The following PDE1C variants were observed in gnomAD, a reference collection of about 807,000 sequenced individuals.
PDE1C encodes dual specificity calcium/calmodulin-dependent 3',5'-cyclic nucleotide phosphodiesterase 1C.
A neutral mutation model predicts 93.1 loss-of-function variants in PDE1C; 62 were observed. The ratio of observed to expected loss-of-function variants is 0.67; its 90% CI spans 0.54 to 0.82. The LOEUF is 0.82. Ranked by LOEUF, PDE1C falls within the 40% of genes least tolerant of loss-of-function variation. The pLI is 0.00. For synonymous variants in PDE1C, 325 were observed against 310.1 expected, an observed-to-expected ratio of 1.05 and a Z score of -0.50; for missense variants, 742 against 884.6, an observed-to-expected ratio of 0.84 and a Z score of 2.04.
upstream of PDE1C, chr7:32,071,450 C>A: frequency 1.0e-6 from 1 of 983,784 alleles, no homozygotes; most frequent in South Asian, 4.7e-5. Context: ...GGGGCTCTCT[C>A]GCTCGCGCTC....
chr7:31,822,935 C>A, intron 14 of PDE1C, 138 bp downstream of exon 14: 2 of 700,910 alleles, frequency 2.9e-6, no homozygotes, highest in South Asian at 2.2e-5. Context: ...TTATGAAGAT[C>A]AAAAGATGGT....
At chr7:32,261,292 C>G (rs938651293) in intron 1 of PDE1C, among the ~76,000 whole-genome samples, 2 of 152,094 alleles carry the variant, frequency 1.3e-5, no homozygotes, top group Non-Finnish European at 2.9e-5. Flanking sequence ...GACCAGTAAT[C>G]TAGCCAAACC....
chr7:32,057,255 T>C (rs1017826166), intron 1 of PDE1C, among the ~76,000 whole-genome samples: 1 of 152,236 alleles, frequency 6.6e-6, no homozygotes, highest in Non-Finnish European at 1.5e-5. Context: ...TCTCATGTGC[T>C]ATGGCTAGAA....
upstream of PDE1C, among the ~76,000 whole-genome samples, chr7:32,074,658 T>A (rs1796252714): frequency 6.6e-6 from 1 of 152,162 alleles, no homozygotes; most frequent in Admixed American, 6.5e-5. Flanking sequence ...GAGGGGATCA[T>A]TCATGCTGTG....
the PDE1C span, among the ~76,000 whole-genome samples, chr7:31,718,874 G>A: frequency 6.6e-6 from 1 of 152,290 alleles, no homozygotes; most frequent in African/African-American, 2.4e-5. Context: ...TCGGGGGGAA[G>A]TGTCTGAAAC....
chr7:31,849,951 A>AAC (rs1793122159), intron 8 of PDE1C, among the ~76,000 whole-genome samples: 1 of 152,158 alleles, frequency 6.6e-6, no homozygotes, highest in Non-Finnish European at 1.5e-5. Context: ...CCCACAGTTT[A>AAC]GTAAGAAAAA....
At position 31,974,965 on chromosome 7, in the gene PDE1C, G is replaced by A. The variant is rs572377220; in HGVS notation, c.128+76589C>T. ...CCCCATTGCCTTCTGAACAAAGGCC[G>A]AGTTCATGAAAACATACAAAATCCT... On this transcript the variant is annotated intron_variant, in intron 2 of 17. Transcript: ENST00000396191. Among the ~76,000 whole-genome samples, 77 of 152,252 alleles carry A rather than the reference G, an allele frequency of 5.1e-4. 1 individual carries two copies. Among genetic ancestry groups the A allele is most frequent in the African/African-American group, 1.5e-3 (63 of 41,560 alleles).
chr7:32,224,644 A>G (rs1807123714), intron 1 of PDE1C, among the ~76,000 whole-genome samples: 1 of 152,190 alleles, frequency 6.6e-6, no homozygotes, highest in African/African-American at 2.4e-5. Flanking sequence ...ACATGTGTAG[A>G]GACACTTCCT....
At chr7:32,393,038 G>T (rs1330935608) in intron 1 of PDE1C, among the ~76,000 whole-genome samples, 3 of 95,774 alleles carry the variant, frequency 3.1e-5, no homozygotes, top group African/African-American at 1.2e-4. Flanking sequence ...AACAGAGCGA[G>T]ACTCTGTCTC....
intron 2 of PDE1C, among the ~76,000 whole-genome samples, chr7:32,012,477 A>G (rs1293261318): frequency 6.6e-6 from 1 of 152,194 alleles, no homozygotes; most frequent in Non-Finnish European, 1.5e-5. Flanking sequence ...AACACTAGGG[A>G]TTACATTTCA....
chr7:31,782,977 T>C (rs150218116), intron 16 of PDE1C, among the ~76,000 whole-genome samples: 2 of 152,340 alleles, frequency 1.3e-5, no homozygotes, highest in Non-Finnish European at 2.9e-5. Flanking sequence ...GCATATTAAA[T>C]GCATTTTCGA....
chr7:31,737,663 G>A, the PDE1C span, among the ~76,000 whole-genome samples: 1 of 151,980 alleles, frequency 6.6e-6, no homozygotes, highest in Admixed American at 6.6e-5. Flanking sequence ...TTAGCTAGGT[G>A]TGGTGGTGGG....
the PDE1C span, among the ~76,000 whole-genome samples, chr7:31,668,020 A>G: frequency 6.6e-6 from 1 of 152,178 alleles, no homozygotes; most frequent in Non-Finnish European, 1.5e-5. Context: ...CTGCATTTTT[A>G]CATGTGAAAA....
At chr7:32,267,817 G>T (rs1810712717) in intron 1 of PDE1C, among the ~76,000 whole-genome samples, 1 of 152,044 alleles carries the variant, frequency 6.6e-6, no homozygotes, top group Non-Finnish European at 1.5e-5. Flanking sequence ...ACAAACCACA[G>T]TTATGACCCC....
At chr7:31,692,451 A>G in the PDE1C span, 2 of 1,610,280 alleles carry the variant, frequency 1.2e-6, no homozygotes, top group Non-Finnish European at 8.5e-7. Flanking sequence ...GATGATGTCC[A>G]CTGAGCAAAT....
At chr7:32,254,424 C>T (rs1040654824) in intron 1 of PDE1C, among the ~76,000 whole-genome samples, 4 of 152,172 alleles carry the variant, frequency 2.6e-5, no homozygotes, top group Non-Finnish European at 5.9e-5. Context: ...AAGCACAACT[C>T]TCCTCTATCA....
intron 1 of PDE1C, among the ~76,000 whole-genome samples, chr7:32,401,334 C>T (rs1045468061): frequency 3.3e-5 from 5 of 152,024 alleles, no homozygotes; most frequent in Admixed American, 6.6e-5. Flanking sequence ...GTCAGGAGAT[C>T]GAGACCATCC....
intron 1 of PDE1C, among the ~76,000 whole-genome samples, chr7:32,310,143 A>G (rs1177826463): frequency 6.6e-6 from 1 of 152,020 alleles, no homozygotes; most frequent in East Asian, 1.9e-4. Context: ...AAAGATCAAA[A>G]GAGACAAAGA....
chr7:32,088,344 A>G (rs908079658), intron 3 of PDE1C, among the ~76,000 whole-genome samples: 1 of 152,184 alleles, frequency 6.6e-6, no homozygotes, highest in African/African-American at 2.4e-5. Flanking sequence ...TTGCTCTTCA[A>G]AAGTACACTT....
Sources: allele counts gnomAD v4.1 joint callset (sites outside exome capture counted in the v4.1 genomes callset), GRCh38; gene constraint gnomAD v4.1.1; transcripts MANE v1.5; gene names NCBI Gene and HGNC (gene_info 2026-07-23, HGNC 2026-07-21).